Variants in CDH2 observed in about 807,000 individuals in gnomAD.
CDH2 encodes the protein cadherin 2.
Under a neutral mutation model 92.0 loss-of-function variants are expected in CDH2, and 17 were observed. That is an observed-to-expected ratio of 0.18 (90% CI 0.13 to 0.28). The LOEUF is 0.28. CDH2 is among the 10% of genes least tolerant of loss of function. The pLI is 1.00. For missense variants in CDH2, 862 were observed against 1,133.1 expected (o/e 0.76, Z 3.44); for synonymous variants, 419 against 415.9 (o/e 1.01, Z -0.09).
intron 15 of CDH2, among the ~76,000 whole-genome samples, chr18:27,952,883 T>A (rs1302313802): frequency 2.0e-5 from 3 of 152,106 alleles, no homozygotes; most frequent in Non-Finnish European, 4.4e-5. Flanking sequence ...GCAAAAGCCA[T>A]CAGGTTGTGG....
intron 2 of CDH2, among the ~76,000 whole-genome samples, chr18:28,052,084 A>T (rs17468469): frequency 0.024 from 3,677 of 152,302 alleles, 64 homozygotes; most frequent in East Asian, 0.053. Flanking sequence ...GTAATGAATA[A>T]CTGTTATGAG....
At chr18:28,155,376 A>G (rs895203172) in intron 1 of CDH2, among the ~76,000 whole-genome samples, 10 of 152,336 alleles carry the variant, frequency 6.6e-5, no homozygotes, top group Admixed American at 5.9e-4. Context: ...AGGGTTAGCT[A>G]TTATGATGCT....
At chr18:28,146,247 C>G (rs1312322620) in intron 2 of CDH2, 2 of 152,102 alleles carry the variant, frequency 1.3e-5, no homozygotes, top group Non-Finnish European at 2.9e-5. Context: ...ACAAATTCCA[C>G]TTTTTATTAT....
At chr18:28,173,372 T>C (rs2016492158) in intron 1 of CDH2, among the ~76,000 whole-genome samples, 1 of 152,170 alleles carries the variant, frequency 6.6e-6, no homozygotes, top group Non-Finnish European at 1.5e-5. Context: ...AAGTAAACTC[T>C]GAACACCAAG....
chr18:28,038,029 T>C (rs1380001920), intron 2 of CDH2, among the ~76,000 whole-genome samples: 1 of 152,188 alleles, frequency 6.6e-6, no homozygotes, highest in East Asian at 1.9e-4. Flanking sequence ...GTTTTGAATC[T>C]TGTTGACTTG....
chr18:28,049,596 G>A (rs910810501), intron 2 of CDH2, among the ~76,000 whole-genome samples: 8 of 152,068 alleles, frequency 5.3e-5, no homozygotes, highest in South Asian at 2.1e-4. Context: ...CATCATGAAC[G>A]GCATATTGAT....
At chr18:28,150,379 C>T (rs756496137) in intron 1 of CDH2, among the ~76,000 whole-genome samples, 78 of 152,134 alleles carry the variant, frequency 5.1e-4, no homozygotes, top group Admixed American at 1.3e-3. Context: ...AGAGGAAAAC[C>T]GTAAGCTTTT....
chr18:28,029,800 C>G (rs1351402089), intron 2 of CDH2, among the ~76,000 whole-genome samples: 1 of 151,990 alleles, frequency 6.6e-6, no homozygotes, highest in African/African-American at 2.4e-5. Context: ...CACACAGACC[C>G]CTCCCAAATG....
intron 1 of CDH2, among the ~76,000 whole-genome samples, chr18:28,175,643 G>A (rs760558124): frequency 7.0e-4 from 106 of 152,206 alleles, no homozygotes; most frequent in Admixed American, 1.5e-3. Flanking sequence ...GCGGGCCGGA[G>A]CGCGCCAGGC....
intron 2 of CDH2, among the ~76,000 whole-genome samples, chr18:28,043,495 A>T (rs62103083): frequency 0.047 from 4,019 of 85,236 alleles, 87 homozygotes; most frequent in Non-Finnish European, 0.057. Context: ...TATATATATA[A>T]ATATATATAT....
intron 2 of CDH2, among the ~76,000 whole-genome samples, chr18:28,015,743 G>A (rs1301640398): frequency 6.6e-6 from 1 of 152,052 alleles, no homozygotes; most frequent in East Asian, 1.9e-4. Flanking sequence ...TAAGCCTCCT[G>A]GGTAGTCTTC....
chr18:28,007,051 C>T (rs2012945267), intron 5 of CDH2, among the ~76,000 whole-genome samples: 1 of 150,430 alleles, frequency 6.6e-6, no homozygotes, highest in Admixed American at 6.6e-5. Context: ...ATCCCAGCTA[C>T]TCAGAGGCTG....
At chr18:28,156,864 C>A (rs1300814638) in intron 1 of CDH2, among the ~76,000 whole-genome samples, 1 of 151,870 alleles carries the variant, frequency 6.6e-6, no homozygotes, top group Non-Finnish European at 1.5e-5. Context: ...AGGAGTAGAG[C>A]CTATCAGGGC....
At chr18:27,940,760 A>G (rs1222253086) in intron 6 of CDH2, among the ~76,000 whole-genome samples, 1 of 152,226 alleles carries the variant, frequency 6.6e-6, no homozygotes, top group African/African-American at 2.4e-5. Flanking sequence ...AAAAGACAGT[A>G]TCCTTCAAAG....
At chr18:28,034,263 C>A (rs2013770994) in intron 2 of CDH2, among the ~76,000 whole-genome samples, 2 of 152,010 alleles carry the variant, frequency 1.3e-5, no homozygotes, top group Non-Finnish European at 2.9e-5. Flanking sequence ...ACGCTATAGT[C>A]TCAGATTTGA....
chr18:28,023,451 G>A (rs1167936513), intron 2 of CDH2, among the ~76,000 whole-genome samples: 4 of 152,202 alleles, frequency 2.6e-5, no homozygotes, highest in African/African-American at 9.6e-5. Flanking sequence ...AGCCTCCCAA[G>A]TAGCTGGGAG....
At chr18:27,959,599 G>A (rs2011344000) in intron 15 of CDH2, 1 of 152,186 alleles carries the variant, frequency 6.6e-6, no homozygotes, top group Non-Finnish European at 1.5e-5. Context: ...AGTCTTAACA[G>A]TTATCTTGGA....
At chr18:28,147,970 A>G (rs1008531051) in intron 1 of CDH2, among the ~76,000 whole-genome samples, 186 bp from the exon 2 acceptor site, 3 of 152,186 alleles carry the variant, frequency 2.0e-5, no homozygotes, top group Non-Finnish European at 4.4e-5. Flanking sequence ...CTGGAGTAGA[A>G]GAAACAAATC....
intron 1 of CDH2, among the ~76,000 whole-genome samples, chr18:28,165,148 A>ATCT (rs1394386115): frequency 6.6e-6 from 1 of 152,196 alleles, no homozygotes; most frequent in Non-Finnish European, 1.5e-5. Flanking sequence ...AATATCCAAC[A>ATCT]TCTTGCTCAC....
Sources: gnomAD v4.1 joint callset for allele counts (sites outside exome capture counted in the v4.1 genomes callset) on GRCh38, gnomAD v4.1.1 for gene constraint, MANE v1.5 for transcripts, NCBI Gene and HGNC (gene_info 2026-07-23, HGNC 2026-07-21) for gene names.